The following PSPC1 variants were observed in gnomAD, a reference collection of about 807,000 sequenced individuals.
The protein encoded by PSPC1 is paraspeckle component 1, also known as paraspeckle protein 1.
Under a neutral mutation model 51.6 loss-of-function variants are expected in PSPC1, and 14 were observed. The observed-to-expected ratio is 0.27, with a 90% CI of 0.18 to 0.42. The LOEUF is 0.42. Among genes scored for constraint, PSPC1 ranks in the 10% least tolerant of loss-of-function variants. PSPC1 has a pLI of 1.00. For missense variants in PSPC1, 406 were observed against 701.1 expected (o/e 0.58, Z 4.75); for synonymous variants, 193 against 231.9 (o/e 0.83, Z 1.53).
At chr13:19,754,202 A>G (rs1886845240) in intron 3 of PSPC1, among the ~76,000 whole-genome samples, 1 of 151,906 alleles carries the variant, frequency 6.6e-6, no homozygotes, top group African/African-American at 2.4e-5. Context: ...CTCCTGCCTC[A>G]GCCTCCCAAA....
chr13:19,731,624 G>C (rs1158883301), intron 5 of PSPC1, among the ~76,000 whole-genome samples: 1 of 152,160 alleles, frequency 6.6e-6, no homozygotes, highest in Non-Finnish European at 1.5e-5. Flanking sequence ...ATGTTGCCCA[G>C]ACTGGTCTTA....
intron 2 of PSPC1, among the ~76,000 whole-genome samples, chr13:19,761,845 G>C (rs1354153165): frequency 6.6e-6 from 1 of 152,148 alleles, no homozygotes; most frequent in African/African-American, 2.4e-5. Flanking sequence ...TCAGATAAAA[G>C]GTGCACCTGA....
At chr13:19,781,308 C>T (rs1185603065) in intron 1 of PSPC1, among the ~76,000 whole-genome samples, 1 of 152,102 alleles carries the variant, frequency 6.6e-6, no homozygotes, top group South Asian at 2.1e-4. Context: ...CGCACCACCA[C>T]GCCCAGCTAA....
At chr13:19,751,571 C>T (rs542821748) in intron 3 of PSPC1, 104 bp from the exon 4 acceptor site, 331 of 749,242 alleles carry the variant, frequency 4.4e-4, no homozygotes, top group Non-Finnish European at 5.9e-5. Context: ...TGTGAGACAC[C>T]GTGTCTACAT....
chr13:19,754,411 A>C (rs1426480447), intron 3 of PSPC1, among the ~76,000 whole-genome samples: 1 of 149,090 alleles, frequency 6.7e-6, no homozygotes, highest in Non-Finnish European at 1.5e-5. Context: ...TCTGTGAATA[A>C]ATCTAAATCT....
At chr13:19,761,229 G>T (rs1018358016) in intron 2 of PSPC1, among the ~76,000 whole-genome samples, 3 of 152,106 alleles carry the variant, frequency 2.0e-5, no homozygotes, top group Non-Finnish European at 4.4e-5. Context: ...AAGGAGAAAA[G>T]CTGGGATAAG....
At chr13:19,745,813 G>T (rs994404488) in intron 4 of PSPC1, among the ~76,000 whole-genome samples, 1 of 151,800 alleles carries the variant, frequency 6.6e-6, no homozygotes, top group African/African-American at 2.4e-5. Context: ...TAGAGATGGG[G>T]TTTCACCATG....
chr13:19,719,949 T>G (rs1319957063), intron 6 of PSPC1, among the ~76,000 whole-genome samples: 1 of 152,204 alleles, frequency 6.6e-6, no homozygotes, highest in Non-Finnish European at 1.5e-5. Context: ...CCCAAGTAGC[T>G]GGGACTACAA....
In PSPC1 at chr13:19,688,168, C is replaced by T. The variant is rs575124013; in HGVS notation, c.1159-10345G>A. Among the ~76,000 whole-genome samples, 61 of 152,204 alleles carry T rather than the reference C, an allele frequency of 4.0e-4. No individual in the cohort carries two copies. In the South Asian group the frequency reaches 0.012, roughly 31 times the overall value. On this transcript the variant is annotated intron_variant and NMD_transcript_variant, in intron 6 of 7. Coordinates refer to the PSPC1 transcript ENST00000471658. ...AAGAGCATTCTATGAAAATCCTTCC[C>T]AACTATTGTATCTTATATGCATTTC...
intron 6 of PSPC1, among the ~76,000 whole-genome samples, chr13:19,693,830 A>G (rs1214431415): frequency 1.3e-5 from 2 of 152,174 alleles, no homozygotes; most frequent in Non-Finnish European, 2.9e-5. Flanking sequence ...CTATGAATAT[A>G]TACTTAAACT....
At chr13:19,701,776 C>T (rs1017216562), downstream of PSPC1, among the ~76,000 whole-genome samples, 1 of 152,140 alleles carries the variant, frequency 6.6e-6, no homozygotes, top group Non-Finnish European at 1.5e-5. Context: ...CAGAAAGGTG[C>T]TGAAAGCATG....
chr13:19,710,910 T>C (rs1041538142), intron 6 of PSPC1, among the ~76,000 whole-genome samples: 2 of 151,890 alleles, frequency 1.3e-5, no homozygotes, highest in African/African-American at 4.8e-5. Context: ...TCATGATAGC[T>C]CACTGCAGCC....
intron 4 of PSPC1, among the ~76,000 whole-genome samples, chr13:19,745,174 C>T (rs1449426533): frequency 6.6e-6 from 1 of 151,952 alleles, no homozygotes; most frequent in Non-Finnish European, 1.5e-5. Flanking sequence ...AAAAATAAGC[C>T]GGGCATGGTG....
chr13:19,729,536 C>CAA (rs551133605), intron 6 of PSPC1, among the ~76,000 whole-genome samples: 5,420 of 95,164 alleles, frequency 0.057, 150 homozygotes, highest in Middle Eastern at 0.13. Flanking sequence ...GATTCCGTCT[C>CAA]AAAAAAAAAA....
intron 6 of PSPC1, among the ~76,000 whole-genome samples, chr13:19,716,708 A>G (rs1326078430): frequency 6.6e-6 from 1 of 152,228 alleles, no homozygotes; most frequent in Non-Finnish European, 1.5e-5. Flanking sequence ...AACAGGATTC[A>G]GCCTTTTTAA....
At chr13:19,694,096 C>T (rs1367664624) in intron 6 of PSPC1, among the ~76,000 whole-genome samples, 1 of 121,552 alleles carries the variant, frequency 8.2e-6, no homozygotes, top group Non-Finnish European at 1.6e-5. Flanking sequence ...GCACTCCAGC[C>T]TGGGTGACAG....
chr13:19,708,366 G>T (rs1880966069), intron 7 of PSPC1, among the ~76,000 whole-genome samples: 1 of 152,260 alleles, frequency 6.6e-6, no homozygotes, highest in African/African-American at 2.4e-5. Flanking sequence ...GTTATATAAA[G>T]ATTTTTAGCT....
intron 6 of PSPC1, among the ~76,000 whole-genome samples, chr13:19,718,922 T>G (rs1410956030): frequency 6.6e-6 from 1 of 152,216 alleles, no homozygotes; most frequent in Non-Finnish European, 1.5e-5. Flanking sequence ...TGGAAAAAAC[T>G]AAACTATGGA....
rs191246003 is a variant in PSPC1 at position 19,721,159 on chromosome 13, G to A, written c.1158+9080C>T. Among the ~76,000 whole-genome samples the A allele has an allele frequency of 3.2e-4, 49 of 152,174 alleles. 1 individual carries two copies. The highest frequency in any genetic ancestry group is 1.1e-3 in the African/African-American group (46 of 41,534). Reference sequence around the variant, plus strand: ...TGACTAGCCTAAAATATAATTTACCGTCACTATGTAGAACAAGCACTGTAA... The same window carrying A: ...TGACTAGCCTAAAATATAATTTACCATCACTATGTAGAACAAGCACTGTAA... On this transcript the variant is annotated intron_variant, in intron 6 of 8. Transcript: ENST00000338910.
Sources: allele counts gnomAD v4.1 joint callset (sites outside exome capture counted in the v4.1 genomes callset), GRCh38; gene constraint gnomAD v4.1.1; transcripts MANE v1.5; gene names NCBI Gene and HGNC (gene_info 2026-07-23, HGNC 2026-07-21).